Variants in LRRC53 observed in about 807,000 individuals in gnomAD.
LRRC53 encodes the protein leucine rich repeat containing 53.
Under a neutral mutation model 13.6 loss-of-function variants are expected in LRRC53, and 25 were observed. That is an observed-to-expected ratio of 1.83 (90% CI 1.34 to 2.56). LRRC53 has a LOEUF of 2.56. Ranked by LOEUF, LRRC53 falls within the 30% of genes most tolerant of loss-of-function variation. The pLI, the probability that LRRC53 is intolerant of heterozygous loss-of-function variation, is 0.00. For synonymous variants in LRRC53, 204 were observed against 109.8 expected (o/e 1.86, Z -5.37); for missense variants, 527 against 275.8 (o/e 1.91, Z -6.45).
chr1:74,536,509 G>A, the LRRC53 span, among the ~76,000 whole-genome samples: 63,896 of 151,782 alleles, frequency 0.42, 15,399 homozygotes, highest in Non-Finnish European at 0.56. Context: ...TTATAAAAAC[G>A]GTGACTGATG....
the LRRC53 span, among the ~76,000 whole-genome samples, chr1:74,533,657 C>G: frequency 6.6e-6 from 1 of 151,820 alleles, no homozygotes; most frequent in Non-Finnish European, 1.5e-5. Context: ...GACTTGGAAC[C>G]AACCCAAATG....
At chr1:74,524,121 A>G in the LRRC53 span, among the ~76,000 whole-genome samples, 3 of 152,276 alleles carry the variant, frequency 2.0e-5, no homozygotes, top group Non-Finnish European at 4.4e-5. Context: ...ACAGTCCAGT[A>G]GTATTTGTGG....
upstream of LRRC53, among the ~76,000 whole-genome samples, chr1:74,515,363 C>T (rs1405658866): frequency 6.6e-6 from 1 of 152,094 alleles, no homozygotes; most frequent in East Asian, 1.9e-4. Flanking sequence ...CCACACCTAA[C>T]CCAGTATGAG....
At chr1:74,526,214 G>C in the LRRC53 span, among the ~76,000 whole-genome samples, 1 of 152,242 alleles carries the variant, frequency 6.6e-6, no homozygotes, top group South Asian at 2.1e-4. Flanking sequence ...ATTTCTTGCA[G>C]GGATGTGAAT....
the LRRC53 span, among the ~76,000 whole-genome samples, chr1:74,527,704 G>C: frequency 2.6e-5 from 4 of 152,208 alleles, no homozygotes; most frequent in Non-Finnish European, 2.9e-5. Context: ...TGGAATCAGG[G>C]AGGTGACATA....
intron 1 of LRRC53, among the ~76,000 whole-genome samples, chr1:74,506,615 G>A (rs1669915245): frequency 6.6e-6 from 1 of 152,172 alleles, no homozygotes; most frequent in Non-Finnish European, 1.5e-5. Flanking sequence ...AGCAGCTCTG[G>A]CATCACCTAG....
At chr1:74,476,693 G>A (rs774715039) in intron 3 of LRRC53, among the ~76,000 whole-genome samples, 4 of 152,094 alleles carry the variant, frequency 2.6e-5, no homozygotes, top group Non-Finnish European at 4.4e-5. Context: ...AGTACAGATT[G>A]AATAAAGAGA....
At chr1:74,514,086 G>A (rs139492849), upstream of LRRC53, among the ~76,000 whole-genome samples, 418 of 152,288 alleles carry the variant, frequency 2.7e-3, 11 homozygotes, top group East Asian at 0.063. Context: ...AGTTTGCATA[G>A]CCAAATTTAC....
intron 1 of LRRC53, among the ~76,000 whole-genome samples, chr1:74,509,963 A>G (rs1670101569): frequency 6.6e-6 from 1 of 151,946 alleles, no homozygotes. Context: ...CAAGTCACCC[A>G]GGCTGGTCTT....
intron 4 of LRRC53, among the ~76,000 whole-genome samples, chr1:74,473,907 A>G (rs1267628837): frequency 6.6e-6 from 1 of 152,122 alleles, no homozygotes; most frequent in Non-Finnish European, 1.5e-5. Context: ...TGGAAAGTCT[A>G]TAATTCTTTT....
chr1:74,513,496 C>G (rs934276474), upstream of LRRC53, among the ~76,000 whole-genome samples: 1 of 152,244 alleles, frequency 6.6e-6, no homozygotes, highest in Non-Finnish European at 1.5e-5. Context: ...TTTGCATTCT[C>G]ACTGCAAGAG....
intron 1 of LRRC53, among the ~76,000 whole-genome samples, chr1:74,494,051 C>T (rs1418478197): frequency 1.3e-5 from 2 of 152,130 alleles, no homozygotes; most frequent in Admixed American, 1.3e-4. Flanking sequence ...CTGTGAGCTT[C>T]ATAGATACCC....
chr1:74,527,647 G>T, the LRRC53 span, among the ~76,000 whole-genome samples: 1 of 152,192 alleles, frequency 6.6e-6, no homozygotes, highest in Non-Finnish European at 1.5e-5. Context: ...AGCCAGGACA[G>T]GGTGTTAGGG....
chr1:74,523,892 T>C, the LRRC53 span, among the ~76,000 whole-genome samples: 1 of 152,168 alleles, frequency 6.6e-6, no homozygotes, highest in Non-Finnish European at 1.5e-5. Flanking sequence ...GTCATCTACA[T>C]TAAACATTTC....
At chr1:74,524,677 A>AGC in the LRRC53 span, among the ~76,000 whole-genome samples, 47 of 151,198 alleles carry the variant, frequency 3.1e-4, 1 homozygote, top group Middle Eastern at 0.018. Context: ...AGCAGCAAAT[A>AGC]AAACACAGAA....
chr1:74,480,699 G>A lies in LRRC53; in HGVS notation c.358C>T (p.Arg120Cys), dbSNP rs1668448894. 1.4e-6 allele frequency: 1 copy of A among 717,386 alleles called. No homozygotes were observed. The highest frequency in any genetic ancestry group is 1.7e-5 in the African/African-American group (1 of 57,376). The allele number at this position is 717,386 out of a possible 1,614,324, so 44.4% of individuals were successfully genotyped here. The change falls in exon 3 of 5, where the codon CGC becomes TGC. Residue 120 changes from arginine to cysteine, a missense_variant. Transcript: ENST00000294635. The stretch of plus-strand genomic sequence containing the variant: ...CGGAACCAAGACCCTCGTAGGGTGC[G>A]GAGAGCATTATTGCTCAGCACCAGT... ...QVLVLSNNALRTLRGSWFRNT... is the reference protein window; with the variant it reads ...QVLVLSNNALCTLRGSWFRNT...
At chr1:74,474,024 T>C (rs1397071496) in intron 4 of LRRC53, among the ~76,000 whole-genome samples, 2 of 152,146 alleles carry the variant, frequency 1.3e-5, no homozygotes, top group Non-Finnish European at 2.9e-5. Context: ...CCCTCTCTAG[T>C]TCTGGTACAA....
chr1:74,508,633 G>A (rs1298239715), intron 1 of LRRC53, among the ~76,000 whole-genome samples: 2 of 152,140 alleles, frequency 1.3e-5, no homozygotes, highest in African/African-American at 4.8e-5. Context: ...CGGTAGCATG[G>A]GAGACTGCAC....
At chr1:74,509,370 A>C (rs749433672) in intron 1 of LRRC53, among the ~76,000 whole-genome samples, 8 of 152,254 alleles carry the variant, frequency 5.3e-5, no homozygotes, top group Non-Finnish European at 1.2e-4. Context: ...AAATAAAGCG[A>C]TAGTCAATTG....
Sources: allele counts gnomAD v4.1 joint callset (sites outside exome capture counted in the v4.1 genomes callset), GRCh38; gene constraint gnomAD v4.1.1; transcripts MANE v1.5; gene names NCBI Gene and HGNC (gene_info 2026-07-23, HGNC 2026-07-21).